Variants in POLRMT observed in about 807,000 individuals in gnomAD.
The protein encoded by POLRMT is RNA polymerase mitochondrial, also known as DNA-directed RNA polymerase, mitochondrial.
In POLRMT, 114 loss-of-function variants were observed where a neutral mutation model predicts 132.2. The observed-to-expected ratio is 0.86, with a 90% CI of 0.74 to 1.01. The LOEUF (loss-of-function observed/expected upper bound fraction) is 1.01. Ranked by LOEUF, POLRMT falls within the 50% of genes least tolerant of loss-of-function variation. The pLI, the probability that POLRMT is intolerant of heterozygous loss-of-function variation, is 0.00. For synonymous variants in POLRMT, 1,020 were observed against 773.4 expected, an observed-to-expected ratio of 1.32 and a Z score of -5.29; for missense variants, 2,003 against 1,729.1, an observed-to-expected ratio of 1.16 and a Z score of -2.81.
intron 20 of POLRMT, 39 bp downstream of exon 20, chr19:617,380 C>A: frequency 6.2e-7 from 1 of 1,612,334 alleles, no homozygotes; most frequent in East Asian, 2.2e-5. Flanking sequence ...CCCTGGCCCG[C>A]AGTTCGAGCC....
At chr19:619,184 C>T in intron 14 of POLRMT, 26 bp downstream of exon 14, 2 of 1,610,796 alleles carry the variant, frequency 1.2e-6, no homozygotes, top group Middle Eastern at 1.7e-4. Flanking sequence ...GGAGTCCTGG[C>T]CGAGCGGGGA....
intron 6 of POLRMT, 29 bp downstream of exon 6, chr19:623,425 C>CGGACACG (rs764275781): frequency 6.2e-7 from 1 of 1,606,044 alleles, no homozygotes; most frequent in Non-Finnish European, 8.5e-7. Context: ...GCCCCTGCGG[C>CGGACACG]GGACACGGGA....
At position 622,572 on chromosome 19, in the gene POLRMT, C is replaced by A; in HGVS notation, c.1626+10G>T. ...GCCCCAGCCAGGAGGAGAGGGGGTG[C>A]GAGCCTCACCTCGGCGTCGGAGGCC... On this transcript the variant is annotated intron_variant, in intron 8 of 20. Transcript: ENST00000588649. 6.3e-7 allele frequency: 1 copy of A among 1,590,612 alleles called. No homozygotes were observed. Among genetic ancestry groups the A allele is most frequent in the South Asian group, 1.1e-5 (1 of 88,136 alleles).
At chr19:623,130 C>G (rs1293550118) in intron 6 of POLRMT, 145 bp from the exon 7 acceptor site, 1 of 1,133,868 alleles carries the variant, frequency 8.8e-7, no homozygotes, top group Non-Finnish European at 1.2e-6. Flanking sequence ...TCACCCCGGC[C>G]TGCCCTCTGC....
In POLRMT at chr19:617,440, G is replaced by C. The variant is rs761974275; in HGVS notation, c.3622C>G (p.Leu1208Val). Reference sequence around the variant, plus strand: ...CTACCTGGCTTGGGCACCGCCTGCAGTGTCTCCTTCAGCTGGCTGGCCTCC... The same window carrying C: ...CTACCTGGCTTGGGCACCGCCTGCACTGTCTCCTTCAGCTGGCTGGCCTCC... ...ILEASQLKET[L>V]QAVPKPGAFD... Residue 1208 changes from leucine to valine, a missense_variant, in exon 20 of 21, where the codon CTG becomes GTG. Transcript: ENST00000588649. The C allele has an allele frequency of 5.6e-6, 9 of 1,612,022 alleles. No homozygotes were observed. The highest frequency in any genetic ancestry group is 7.6e-6 in the Non-Finnish European group (9 of 1,179,836).
chr19:622,064 G>T, intron 9 of POLRMT, 85 bp downstream of exon 9: 2 of 1,311,406 alleles, frequency 1.5e-6, no homozygotes, highest in Non-Finnish European at 2.1e-6. Flanking sequence ...CTGAGATCAA[G>T]GCTCCGCCCA....
In POLRMT at chr19:622,194, A is replaced by C. The variant is rs1984664312; in HGVS notation, c.1806T>G (p.Leu602=). Residue 602 remains leucine (L), a synonymous_variant, in exon 9 of 21, where the codon CTT becomes CTG. Transcript: ENST00000588649. ...SLDKPHRSSR[L]VPVLYHVYSF... is the part of the protein sequence containing the mutation. The stretch of plus-strand genomic sequence containing the variant: ...AATACACGTGGTAGAGCACGGGGAC[A>C]AGCCGAGAGGAACGATGCGGCTTGT... 6.3e-7 allele frequency: 1 copy of C among 1,583,270 alleles called. No homozygotes were observed. Among genetic ancestry groups the C allele is most frequent in the Non-Finnish European group, 8.6e-7 (1 of 1,166,956 alleles).
Position 621,863 on chromosome 19 carries a change from A to G in POLRMT, c.1852-17T>C. ...GATGCCGATCTGGGGTGCGACAGGC[A>G]GACGGGTCAGGGCCCCGGTGCTGGG... On this transcript the variant is annotated splice_polypyrimidine_tract_variant and intron_variant, in intron 9 of 20. Transcript: ENST00000588649. 6.2e-7 allele frequency: 1 copy of G among 1,600,408 alleles called. No homozygotes were observed. Among genetic ancestry groups the G allele is most frequent in the Non-Finnish European group, 8.5e-7 (1 of 1,179,602 alleles).
rs780018017 is a variant in POLRMT, at chr19:619,340, C to A, written c.3067-44G>T. 1.1e-5 allele frequency: 18 copies of A among 1,576,326 alleles called. No homozygotes were observed. In the South Asian group the frequency reaches 1.8e-4, roughly 16 times the overall value. On this transcript the variant is annotated intron_variant, in intron 13 of 20. Transcript: ENST00000588649. ...AGGTGCAGGTCCTCAGGGGCTGGCC[C>A]GTTCACGCCCTACTCCCCCCTATTT...
At chr19:618,923 G>C (rs1023759011) in intron 15 of POLRMT, 74 bp downstream of exon 15, 1 of 1,381,540 alleles carries the variant, frequency 7.2e-7, no homozygotes, top group East Asian at 2.5e-5. Context: ...GTGGTACGCT[G>C]GGGCACTGGT....
rs371959370 is a variant in POLRMT, at chr19:626,898, C to CACACACACACACACACACAT, written c.823-1645_823-1644insATGTGTGTGTGTGTGTGTGT. Among the ~76,000 whole-genome samples, 152 of 146,730 alleles carry CACACACACACACACACACAT rather than the reference C, an allele frequency of 1.0e-3. 1 individual carries two copies. The highest frequency in any genetic ancestry group is 4.9e-3 in the South Asian group (23 of 4,674). ...CTGTCTTAAAATATACACACACACA[C>CACACACACACACACACACAT]ATATATATATATATATAAAATAACA... On this transcript the variant is annotated intron_variant, in intron 3 of 20. Coordinates refer to ENST00000588649, the MANE Select transcript of POLRMT (RefSeq NM_005035.4).
rs771954413 is a variant in POLRMT at position 627,147 on chromosome 19, C to CTT, written c.823-1894_823-1893insAA. On this transcript the variant is annotated intron_variant, in intron 3 of 20. Transcript: ENST00000588649. The stretch of plus-strand genomic sequence containing the variant: ...GAGACCAGAGACATGAGTTTTGGGG[C>CTT]ATTTTTTTTTTTTTTTTTTTTTGAG... Among the ~76,000 whole-genome samples the CTT allele has an allele frequency of 2.3e-3, 300 of 131,112 alleles. 4 individuals carry two copies. The highest frequency in any genetic ancestry group is 3.4e-3 in the Non-Finnish European group (214 of 62,726). 86.0% of individuals were successfully genotyped at this position (131,112 alleles called of 152,430 possible).
In POLRMT at chr19:617,337, A is replaced by G. The variant is rs755449658; in HGVS notation, c.3644-14T>C. ...GGTCGAAGGCCCCTGCGGAGGAAGC[A>G]GAGCGGACGGCGTGGGTGGCGGGAA... is the stretch of plus-strand genomic sequence containing the variant. On this transcript the variant is annotated splice_polypyrimidine_tract_variant and intron_variant, in intron 20 of 20. Transcript: ENST00000588649. 3 of 1,612,696 alleles carry G rather than the reference A, an allele frequency of 1.9e-6. No homozygotes were observed. The highest frequency in any genetic ancestry group is 2.5e-6 in the Non-Finnish European group (3 of 1,179,880).
intron 2 of POLRMT, 113 bp downstream of exon 2, chr19:632,721 C>G (rs572541489): frequency 1.2e-6 from 1 of 856,584 alleles, no homozygotes; most frequent in East Asian, 3.1e-5. Flanking sequence ...TGTCCTGGGA[C>G]CCGAGAGGTG....
Position 622,639 on chromosome 19 carries a change from C to T in POLRMT, c.1569G>A (p.Val523=). The T allele has an allele frequency of 6.2e-7, 1 of 1,607,344 alleles. No homozygotes were observed. The highest frequency in any genetic ancestry group is 2.2e-5 in the East Asian group (1 of 44,736). ...VVQRQRVSGQ[V]QALQNHYRKY... ...TCCTGTAGTGGTTCTGCAGCGCCTG[C>T]ACCTGGCCACTGACCCGCTGCCTCT... The change falls in exon 8 of 21, where the codon GTG becomes GTA. Residue 523 remains valine (V), a synonymous_variant. Transcript: ENST00000588649.
chr19:619,514 CG>C, intron 13 of POLRMT, 71 bp downstream of exon 13: 2 of 1,573,032 alleles, frequency 1.3e-6, no homozygotes, highest in Non-Finnish European at 8.7e-7. Flanking sequence ...GAGGCTGGGT[CG>C]GGGGCACACC....
intron 10 of POLRMT, among the ~76,000 whole-genome samples, 155 bp from the exon 11 acceptor site, chr19:620,642 G>A (rs1984455674): frequency 2.7e-5 from 4 of 150,872 alleles, no homozygotes; most frequent in Non-Finnish European, 3.0e-5. Context: ...GCGGTGGCTG[G>A]ATGAGTTCTC....
At chr19:623,670 G>A (rs41554313) in intron 5 of POLRMT, 67 bp from the exon 6 acceptor site, 231,873 of 1,561,358 alleles carry the variant, frequency 0.15, 18,459 homozygotes, top group Middle Eastern at 0.18. Flanking sequence ...AGGACCCCGA[G>A]ACAGCATGGG....
In POLRMT at chr19:622,983, C is replaced by T; in HGVS notation, c.1293G>A (p.Arg431=). 1 of 1,612,256 alleles carries T rather than the reference C, an allele frequency of 6.2e-7. No homozygotes were observed. Among genetic ancestry groups the T allele is most frequent in the East Asian group, 2.2e-5 (1 of 44,862 alleles). Residue 431 remains arginine, a splice_region_variant and synonymous_variant, in exon 7 of 21, where the codon CGG becomes CGA. Coordinates refer to ENST00000588649, the MANE Select transcript of POLRMT (RefSeq NM_005035.4). ...GGTCCCGCAGGGTCTTCAGGGTCTTCCGCTGCGGGGGATGAACGGGCCCGG... is the reference window on the plus strand; with the variant it reads ...GGTCCCGCAGGGTCTTCAGGGTCTTTCGCTGCGGGGGATGAACGGGCCCGG... ...TLPSKEVKHA[R]KTLKTLRDQW... is the part of the protein sequence containing the mutation.
Sources: gnomAD v4.1 joint callset for allele counts (sites outside exome capture counted in the v4.1 genomes callset) on GRCh38, gnomAD v4.1.1 for gene constraint, MANE v1.5 for transcripts, NCBI Gene and HGNC (gene_info 2026-07-23, HGNC 2026-07-21) for gene names.